KIF22: variants seen among roughly 807,000 people sequenced by gnomAD.
KIF22 encodes the protein kinesin-like protein KIF22.
A neutral mutation model predicts 73.0 loss-of-function variants in KIF22; 62 were observed. The observed-to-expected ratio is 0.85, with a 90% CI of 0.69 to 1.05. The LOEUF (loss-of-function observed/expected upper bound fraction) is 1.05. KIF22 is among the 50% of genes least tolerant of loss of function. KIF22 has a pLI of 0.00. For synonymous variants in KIF22, 411 were observed against 340.1 expected, an observed-to-expected ratio of 1.21 and a Z score of -2.29; for missense variants, 854 against 870.1, an observed-to-expected ratio of 0.98 and a Z score of 0.23.
In KIF22 at chr16:29,798,312, TTACA is replaced by T. The variant is rs766226777; in HGVS notation, c.267-61_267-58del. 5.1e-6 allele frequency: 4 copies of T among 787,384 alleles called. No individual in the cohort carries two copies. Among genetic ancestry groups the T allele is most frequent in the African/African-American group, 3.9e-5 (1 of 25,712 alleles). The allele number at this position is 787,384 out of a possible 1,614,324, so 48.8% of individuals were successfully genotyped here. On this transcript the variant is annotated intron_variant, in intron 2 of 13. Coordinates refer to ENST00000160827, the MANE Select transcript of KIF22 (RefSeq NM_007317.3). The surrounding 1 kb of genome is among the most constrained non-coding windows in gnomAD (Gnocchi z 4.1). Reference sequence around the variant, plus strand: ...ACCCACCCCCACCCCACTCCACCCCTTACACACACACACACACACACACACACAC... The same window carrying T: ...ACCCACCCCCACCCCACTCCACCCCTCACACACACACACACACACACACAC...
At position 29,805,286 on chromosome 16, in the gene KIF22, C is replaced by T; in HGVS notation, c.1974C>T (p.Ala658=). ...FLKANILGLA[A]GQRCGAS ...AGGCAAACATCCTGGGTCTCGCCGC[C>T]GGCCAGCGCTGTGGCGCCTCCTGAC... The change falls in exon 14 of 14, where the codon GCC becomes GCT. Residue 658 remains alanine, a synonymous_variant. Coordinates refer to ENST00000160827, the MANE Select transcript of KIF22 (RefSeq NM_007317.3). 6.2e-7 allele frequency: 1 copy of T among 1,613,850 alleles called. No homozygotes were observed. The highest frequency in any genetic ancestry group is 1.3e-5 in the African/African-American group (1 of 75,072).
At position 29,799,449 on chromosome 16, in the gene KIF22, C is replaced by G. The variant is rs1385563434; in HGVS notation, c.945C>G (p.Leu315=). 1.2e-6 allele frequency: 2 copies of G among 1,614,212 alleles called. No individual in the cohort carries two copies. Among genetic ancestry groups the G allele is most frequent in the Non-Finnish European group, 1.7e-6 (2 of 1,180,038 alleles). The change falls in exon 6 of 14, where the codon CTC becomes CTG. Residue 315 remains leucine, a synonymous_variant. Coordinates refer to ENST00000160827, the MANE Select transcript of KIF22 (RefSeq NM_007317.3). Reference sequence around the variant, plus strand: ...TGGTAGATGCGCTGAATCAGGGCCTCCCTCGTGTACCTTATCGGGACAGCA... The same window carrying G: ...TGGTAGATGCGCTGAATCAGGGCCTGCCTCGTGTACCTTATCGGGACAGCA... ...GKVVDALNQG[L]PRVPYRDSKL... is the part of the protein sequence containing the mutation.
intron 8 of KIF22, among the ~76,000 whole-genome samples, chr16:29,802,195 G>A (rs1470313603): frequency 1.4e-5 from 2 of 147,604 alleles, no homozygotes; most frequent in Non-Finnish European, 3.0e-5. Flanking sequence ...TAAGCCTCAG[G>A]AGGCCAAGGC....
chr16:29,791,993 A>G (rs1485922001), intron 1 of KIF22, among the ~76,000 whole-genome samples: 2 of 152,218 alleles, frequency 1.3e-5, no homozygotes, highest in Non-Finnish European at 2.9e-5. Flanking sequence ...ACGAAACACA[A>G]TGAGAGATGT....
At chr16:29,802,687 A>T in intron 8 of KIF22, 82 bp from the exon 9 acceptor site, 1 of 1,298,600 alleles carries the variant, frequency 7.7e-7, no homozygotes, top group Non-Finnish European at 1.0e-6. Flanking sequence ...ATACCAAGTT[A>T]AGGTGTGGTG....
At position 29,797,038 on chromosome 16, in the gene KIF22, C is replaced by T; in HGVS notation, c.216C>T (p.Cys72=). The part of the protein sequence containing the change: ...DPPCVRGMDS[C]SLEIANWRNH... ...CCTGTGTGCGGGGCATGGACAGCTG[C>T]TCTCTAGAGATTGCTAACTGGAGGA... Residue 72 remains cysteine, a synonymous_variant, in exon 2 of 14, where the codon TGC becomes TGT. Coordinates refer to ENST00000160827, the MANE Select transcript of KIF22 (RefSeq NM_007317.3). The surrounding 1 kb of genome is among the most constrained non-coding windows in gnomAD (Gnocchi z 4.1). 1 of 1,610,338 alleles carries T rather than the reference C, an allele frequency of 6.2e-7. No individual in the cohort carries two copies. The highest frequency in any genetic ancestry group is 8.5e-7 in the Non-Finnish European group (1 of 1,177,600).
chr16:29,795,703 G>A (rs1898932103), intron 1 of KIF22, among the ~76,000 whole-genome samples: 1 of 152,106 alleles, frequency 6.6e-6, no homozygotes, highest in Non-Finnish European at 1.5e-5. Flanking sequence ...CAAAAATAGA[G>A]GGCTTTTCTT....
intron 1 of KIF22, among the ~76,000 whole-genome samples, 188 bp from the exon 2 acceptor site, chr16:29,796,703 TAC>T (rs1455544866): frequency 1.3e-5 from 2 of 152,122 alleles, no homozygotes; most frequent in African/African-American, 4.8e-5. Context: ...AAGCCTGCTA[TAC>T]ACCTGCTGCA....
Position 29,797,173 on chromosome 16 carries a change from T to G in KIF22, c.266+85T>G. The G allele has an allele frequency of 4.9e-6, 5 of 1,010,132 alleles. No individual in the cohort carries two copies. Among genetic ancestry groups the G allele is most frequent in the Non-Finnish European group, 7.3e-6 (5 of 683,352 alleles). The allele number at this position is 1,010,132 out of a possible 1,614,324, so 62.6% of individuals were successfully genotyped here. On this transcript the variant is annotated intron_variant, in intron 2 of 13. Transcript: ENST00000160827. This position sits in a 1 kb window ranked among gnomAD's most constrained non-coding sequence, Gnocchi z 4.1. ...ACGTTCCCCTGCCTCCCCAGGATCC[T>G]TGCTCCCTCCTTAGCACCGCTTTGT...
At chr16:29,795,050 C>T (rs984611238) in intron 1 of KIF22, among the ~76,000 whole-genome samples, 7 of 152,196 alleles carry the variant, frequency 4.6e-5, no homozygotes, top group Admixed American at 1.3e-4. Context: ...TTGATCACTG[C>T]GCTTCCTTAA....
intron 1 of KIF22, among the ~76,000 whole-genome samples, chr16:29,793,125 AG>A (rs1194985798): frequency 6.6e-6 from 1 of 152,164 alleles, no homozygotes. Context: ...GAGATGGGGA[AG>A]GAGGGTTCAG....
Position 29,798,293 on chromosome 16 carries a change from C to A in KIF22, c.267-81C>A, listed in dbSNP as rs546555369. The stretch of plus-strand genomic sequence containing the variant: ...GATGAGAGTAGAATCCCTTACCCAC[C>A]CCCACCCCACTCCACCCCTTACACA... On this transcript the variant is annotated intron_variant, in intron 2 of 13. Transcript: ENST00000160827. This position sits in a 1 kb window ranked among gnomAD's most constrained non-coding sequence, Gnocchi z 4.1. 16 of 1,321,374 alleles carry A rather than the reference C, an allele frequency of 1.2e-5. No homozygotes were observed. The highest frequency in any genetic ancestry group is 3.4e-5 in the East Asian group (1 of 29,662). 81.9% of individuals were successfully genotyped at this position (1,321,374 alleles called of 1,614,324 possible).
At chr16:29,794,673 C>T (rs915957015) in intron 1 of KIF22, among the ~76,000 whole-genome samples, 1 of 152,124 alleles carries the variant, frequency 6.6e-6, no homozygotes, top group Admixed American at 6.6e-5. Flanking sequence ...CCTCCACTTC[C>T]CGCATTCAAG....
At chr16:29,791,006 C>T (rs976553760) in intron 1 of KIF22, 177 bp downstream of exon 1, 2 of 1,456,752 alleles carry the variant, frequency 1.4e-6, no homozygotes, top group Non-Finnish European at 1.8e-6. Context: ...CGCCTGGCTC[C>T]TGCCTTCTCC....
At chr16:29,795,732 A>G (rs1396917649) in intron 1 of KIF22, among the ~76,000 whole-genome samples, 2 of 146,494 alleles carry the variant, frequency 1.4e-5, no homozygotes, top group African/African-American at 2.4e-5. Flanking sequence ...TTTTATCTTC[A>G]TTGTGTTTTC....
chr16:29,804,553 A>G (rs958133138), intron 11 of KIF22: 1 of 677,996 alleles, frequency 1.5e-6, no homozygotes, highest in Non-Finnish European at 2.7e-6. Flanking sequence ...CTTTACATTC[A>G]TTAACTCACT....
At position 29,799,050 on chromosome 16, in the gene KIF22, G is replaced by T. The variant is rs1288008374; in HGVS notation, c.625G>T (p.Gly209Cys). The T allele has an allele frequency of 6.2e-7, 1 of 1,614,082 alleles. No individual in the cohort carries two copies. The highest frequency in any genetic ancestry group is 1.3e-5 in the African/African-American group (1 of 74,936). The change falls in exon 5 of 14, where the codon GGT becomes TGT. Residue 209 changes from glycine (G) to cysteine (C), a missense_variant. This residue lies in a region of KIF22 where 245 missense variants were observed against 351.8 expected (regional missense o/e 0.70). Transcript: ENST00000160827. ...EDCRGNILIP[G>C]LSQKPISSFA... ...CTGCCGGGGGAATATCCTGATTCCG[G>T]GTCTCTCCCAGAAGCCCATCAGTAG...
At chr16:29,796,690 G>A (rs1483345260) in intron 1 of KIF22, among the ~76,000 whole-genome samples, 5 of 152,104 alleles carry the variant, frequency 3.3e-5, no homozygotes, top group Non-Finnish European at 5.9e-5. Context: ...ATTACAGTCT[G>A]AGAAGCCTGC....
At chr16:29,803,635 G>T in intron 10 of KIF22, 27 bp downstream of exon 10, 1 of 1,569,290 alleles carries the variant, frequency 6.4e-7, no homozygotes, top group Non-Finnish European at 8.7e-7. Context: ...GGGCTGGGGG[G>T]CCAAGGCAGC....
Sources: gnomAD v4.1 joint callset for allele counts (sites outside exome capture counted in the v4.1 genomes callset) on GRCh38, gnomAD v4.1.1 for gene constraint, gnomAD v4.1.1 regional missense constraint, Gnocchi (gnomAD v3.1) non-coding constraint, MANE v1.5 for transcripts, NCBI Gene and HGNC (gene_info 2026-07-23, HGNC 2026-07-21) for gene names.